Variants in FRMD4A observed in about 807,000 individuals in gnomAD.
The protein encoded by FRMD4A is FERM domain containing 4A.
FRMD4A carries 29 observed loss-of-function variants against 129.1 expected under a neutral mutation model. The ratio of observed to expected loss-of-function variants is 0.22; its 90% CI spans 0.17 to 0.31. The LOEUF (loss-of-function observed/expected upper bound fraction) is 0.31, where lower values mean the gene tolerates loss of function less well. FRMD4A is among the 10% of genes least tolerant of loss of function. The pLI is 1.00. For missense variants in FRMD4A, 1,272 were observed against 1,375.8 expected, an observed-to-expected ratio of 0.92 and a Z score of 1.19; for synonymous variants, 634 against 571.6, an observed-to-expected ratio of 1.11 and a Z score of -1.56.
At chr10:13,832,547 A>T (rs1460127234) in intron 3 of FRMD4A, among the ~76,000 whole-genome samples, 1 of 152,118 alleles carries the variant, frequency 6.6e-6, no homozygotes, top group Non-Finnish European at 1.5e-5. Flanking sequence ...GAATCTGTGG[A>T]TTCTTTTTTC....
At position 14,039,376 on chromosome 10, in the gene FRMD4A, A is replaced by G. The variant is rs866591931; in HGVS notation, c.46-180464T>C. 3.9e-3 allele frequency among the ~76,000 whole-genome samples: 409 copies of G among 104,216 alleles called. 1 individual carries two copies. Among genetic ancestry groups the G allele is most frequent in the Admixed American group, 0.014 (148 of 10,898 alleles). The allele number at this position is 104,216 out of a possible 152,430, so 68.4% of individuals were successfully genotyped here. On this transcript the variant is annotated intron_variant, in intron 2 of 24. Transcript: ENST00000357447. ...TTCTGATCTGTCCGTCCGTCCATCC[A>G]TCCATCCATCCATCCATCCATCCAT...
At chr10:13,952,146 C>CT (rs34700755) in intron 2 of FRMD4A, among the ~76,000 whole-genome samples, 2 of 150,048 alleles carry the variant, frequency 1.3e-5, no homozygotes, top group African/African-American at 2.5e-5. Context: ...TTTTTATACT[C>CT]TTTTTTCTGA....
At chr10:13,659,512 G>A (rs748400823) in intron 20 of FRMD4A, 22 bp from the exon 21 acceptor site, 2 of 1,605,044 alleles carry the variant, frequency 1.2e-6, no homozygotes, top group Non-Finnish European at 1.7e-6. Flanking sequence ...AGGATGCCAC[G>A]TGGTCACCGC....
chr10:13,823,518 G>A (rs2093658557), intron 3 of FRMD4A, among the ~76,000 whole-genome samples: 1 of 152,242 alleles, frequency 6.6e-6, no homozygotes, highest in African/African-American at 2.4e-5. Flanking sequence ...ATATGGGGAT[G>A]ATAAACGAAG....
intron 12 of FRMD4A, among the ~76,000 whole-genome samples, chr10:13,719,195 G>A (rs1363290218): frequency 6.6e-6 from 1 of 152,188 alleles, no homozygotes; most frequent in East Asian, 1.9e-4. Context: ...TAAGCTGCAA[G>A]GGATGCGATA....
At chr10:14,086,120 G>A (rs1446823094) in intron 2 of FRMD4A, among the ~76,000 whole-genome samples, 1 of 152,160 alleles carries the variant, frequency 6.6e-6, no homozygotes, top group African/African-American at 2.4e-5. Context: ...TGAAAGTAGT[G>A]TATTTTTCCA....
intron 15 of FRMD4A, chr10:13,693,579 A>T: frequency 9.3e-7 from 1 of 1,076,968 alleles, no homozygotes; most frequent in Middle Eastern, 3.5e-4. Context: ...CTTGGACCTG[A>T]CATTCCCGAC....
chr10:14,294,992 A>G (rs1250526966), intron 2 of FRMD4A, among the ~76,000 whole-genome samples: 1 of 152,198 alleles, frequency 6.6e-6, no homozygotes, highest in African/African-American at 2.4e-5. Flanking sequence ...TAAATGGGGA[A>G]ACTAAAGTCA....
intron 12 of FRMD4A, 95 bp downstream of exon 12, chr10:13,737,749 T>C: frequency 4.2e-6 from 3 of 710,664 alleles, no homozygotes; most frequent in Non-Finnish European, 5.1e-6. Context: ...GGTGAGCCTT[T>C]AGGCTGCATG....
At chr10:14,252,559 G>T (rs1299299002) in intron 2 of FRMD4A, among the ~76,000 whole-genome samples, 1 of 152,186 alleles carries the variant, frequency 6.6e-6, no homozygotes, top group Admixed American at 6.5e-5. Context: ...TTAGATTCAG[G>T]TTATGGCCCT....
intron 3 of FRMD4A, among the ~76,000 whole-genome samples, chr10:13,838,926 C>A (rs1393247646): frequency 2.0e-5 from 3 of 151,000 alleles, no homozygotes; most frequent in Middle Eastern, 3.2e-3. Flanking sequence ...AAAAACCATC[C>A]AATGATGATT....
At chr10:13,796,260 C>T (rs1283085863) in intron 5 of FRMD4A, among the ~76,000 whole-genome samples, 1 of 152,224 alleles carries the variant, frequency 6.6e-6, no homozygotes, top group African/African-American at 2.4e-5. Context: ...CATCATTCCA[C>T]ACAAGCATCC....
Position 13,656,828 on chromosome 10 carries a change from G to T in FRMD4A, c.2761C>A (p.Arg921Ser). 4 of 1,553,064 alleles carry T rather than the reference G, an allele frequency of 2.6e-6. No individual in the cohort carries two copies. Among genetic ancestry groups the T allele is most frequent in the Non-Finnish European group, 3.5e-6 (4 of 1,153,140 alleles). ...CGCAGCTCGTCTGAGACGGCGGCAC[G>T]GCCCGCGCCCTTGTCGTGGGCGCCC... ...REGAHDKGAG[R>S]AAVSDELRQW... The change falls in exon 22 of 25, where the codon CGT becomes AGT. Residue 921 changes from arginine (R) to serine (S), a missense_variant. By Grantham distance (110) the Arg-to-Ser change is moderately radical. This residue lies in a region of FRMD4A where 972 missense variants were observed against 892.3 expected (regional missense o/e 1.09). Coordinates refer to ENST00000357447, the MANE Select transcript of FRMD4A (RefSeq NM_018027.5).
At chr10:13,696,029 T>TTCC (rs759510838) in intron 14 of FRMD4A, among the ~76,000 whole-genome samples, 19 of 152,228 alleles carry the variant, frequency 1.2e-4, no homozygotes, top group Admixed American at 2.0e-4. Context: ...GTGAATTGTC[T>TTCC]TCCTCCTCCT....
At position 14,226,866 on chromosome 10, in the gene FRMD4A, G is replaced by C. The variant is rs76992977; in HGVS notation, c.45+103192C>G. 1.1e-3 allele frequency among the ~76,000 whole-genome samples: 167 copies of C among 152,098 alleles called. 3 individuals carry two copies. The East Asian group carries it at 0.029, about 27-fold the overall frequency. ...CCGCTTTACTGCCCTCCTGCTCCCCGCTGCCTTCCAAGACCCCAATCGACT... is the reference window on the plus strand; with the variant it reads ...CCGCTTTACTGCCCTCCTGCTCCCCCCTGCCTTCCAAGACCCCAATCGACT... On this transcript the variant is annotated intron_variant, in intron 2 of 24. Coordinates refer to ENST00000357447, the MANE Select transcript of FRMD4A (RefSeq NM_018027.5).
In FRMD4A at chr10:13,685,731, C is replaced by T. The variant is rs555817156; in HGVS notation, c.1117+8167G>A. 7.2e-5 allele frequency: 50 copies of T among 694,494 alleles called. No individual in the cohort carries two copies. The African/African-American group carries it at 9.3e-4, about 13-fold the overall frequency. The allele number at this position is 694,494 out of a possible 1,614,324, so 43.0% of individuals were successfully genotyped here. A position where few individuals can be genotyped will look rare whatever the true frequency, so the allele number is the denominator to read the frequency against. ...GCTGAGGCAGGAGGATCGCTTAAGC[C>T]CAGGAGTTTGAGGCTGGAGTGAGCT... is the stretch of plus-strand genomic sequence containing the variant. On this transcript the variant is annotated intron_variant, in intron 15 of 24. Coordinates refer to ENST00000357447, the MANE Select transcript of FRMD4A (RefSeq NM_018027.5).
At chr10:14,128,026 T>C (rs2131822627) in intron 2 of FRMD4A, among the ~76,000 whole-genome samples, 1 of 143,200 alleles carries the variant, frequency 7.0e-6, no homozygotes, top group Non-Finnish European at 1.5e-5. Context: ...CTTCCTTCCT[T>C]CCTTCCTTCC....
chr10:13,758,916 C>T (rs1025625103), intron 8 of FRMD4A, among the ~76,000 whole-genome samples: 1 of 152,062 alleles, frequency 6.6e-6, no homozygotes, highest in Non-Finnish European at 1.5e-5. Context: ...TAATGTTTAG[C>T]CACTGAACCG....
intron 3 of FRMD4A, among the ~76,000 whole-genome samples, chr10:13,848,609 CGTGT>C (rs59271113): frequency 9.6e-4 from 119 of 124,046 alleles, no homozygotes; most frequent in South Asian, 6.2e-3. Context: ...TGTGTGTGTA[CGTGT>C]GTGTGTGTGT....
Sources: gnomAD v4.1 joint callset for allele counts (sites outside exome capture counted in the v4.1 genomes callset) on GRCh38, gnomAD v4.1.1 for gene constraint, gnomAD v4.1.1 regional missense constraint, MANE v1.5 for transcripts, NCBI Gene and HGNC (gene_info 2026-07-23, HGNC 2026-07-21) for gene names.